The following ANKIB1 variants were observed in gnomAD, a reference collection of about 807,000 sequenced individuals.
ANKIB1 encodes the protein ankyrin repeat and IBR domain-containing protein 1.
In ANKIB1, 43 loss-of-function variants were observed where a neutral mutation model predicts 122.1. The ratio of observed to expected loss-of-function variants is 0.35; its 90% CI spans 0.28 to 0.45. The LOEUF (loss-of-function observed/expected upper bound fraction) is 0.45, where lower values mean the gene tolerates loss of function less well. ANKIB1 is among the 20% of genes least tolerant of loss of function. ANKIB1 has a pLI of 1.00. For synonymous variants in ANKIB1, 390 were observed against 442.0 expected (o/e 0.88, Z 1.48); for missense variants, 992 against 1,329.5 (o/e 0.75, Z 3.95).
At chr7:92,370,603 A>G (rs898889598) in intron 10 of ANKIB1, among the ~76,000 whole-genome samples, 11 of 151,928 alleles carry the variant, frequency 7.2e-5, no homozygotes, top group Admixed American at 5.2e-4. Context: ...TTTCAAAACA[A>G]CTAGAAGGGA....
Position 92,274,329 on chromosome 7 carries a change from A to C in ANKIB1, c.-90-20560A>C, listed in dbSNP as rs375340431. On this transcript the variant is annotated intron_variant, in intron 1 of 19. Coordinates refer to ENST00000265742, the MANE Select transcript of ANKIB1 (RefSeq NM_019004.2). The stretch of plus-strand genomic sequence containing the variant: ...TTAGAGCAGTAAGAAATTTACACAA[A>C]ATATCAGTAATAAAAGGTAGTTTAT... Among the ~76,000 whole-genome samples the C allele has an allele frequency of 3.9e-5, 6 of 152,302 alleles. 1 individual carries two copies. The highest frequency in any genetic ancestry group is 1.4e-4 in the African/African-American group (6 of 41,564).
chr7:92,283,926 A>G, intron 1 of ANKIB1, among the ~76,000 whole-genome samples: 1 of 152,096 alleles, frequency 6.6e-6, no homozygotes, highest in East Asian at 1.9e-4. Flanking sequence ...ATGTGCCACC[A>G]GGCACAGCTA....
chr7:92,370,508 CAAAAAAAAAAAA>C (rs34318038), intron 10 of ANKIB1, among the ~76,000 whole-genome samples: 14 of 32,990 alleles, frequency 4.2e-4, no homozygotes, highest in East Asian at 1.1e-3. Context: ...ACTCTTGTCT[CAAAAAAAAAAAA>C]AAAAAAAAAA....
intron 1 of ANKIB1, among the ~76,000 whole-genome samples, chr7:92,261,750 A>G (rs1585076323): frequency 6.6e-6 from 1 of 152,330 alleles, no homozygotes; most frequent in East Asian, 1.9e-4. Context: ...TAGGTTCCAC[A>G]GAAGCACCTT....
intron 1 of ANKIB1, among the ~76,000 whole-genome samples, chr7:92,262,648 A>G (rs561847435): frequency 7.2e-5 from 11 of 152,170 alleles, no homozygotes; most frequent in Non-Finnish European, 1.6e-4. Context: ...AAAATATACC[A>G]GTATGTTGAC....
intron 1 of ANKIB1, among the ~76,000 whole-genome samples, chr7:92,279,143 T>C (rs748841049): frequency 6.6e-6 from 1 of 152,170 alleles, no homozygotes; most frequent in Non-Finnish European, 1.5e-5. Context: ...CCTATGAGAA[T>C]CTAATGCTGC....
intron 1 of ANKIB1, among the ~76,000 whole-genome samples, chr7:92,277,318 A>G (rs904766137): frequency 1.3e-5 from 2 of 152,246 alleles, no homozygotes; most frequent in Non-Finnish European, 2.9e-5. Context: ...ACATATGCAG[A>G]CAGTCCTTGA....
chr7:92,273,009 G>A (rs1801828547), intron 1 of ANKIB1, among the ~76,000 whole-genome samples: 2 of 152,140 alleles, frequency 1.3e-5, no homozygotes, highest in African/African-American at 2.4e-5. Context: ...TGAAAATACA[G>A]CATCATTGGA....
intron 11 of ANKIB1, among the ~76,000 whole-genome samples, chr7:92,384,988 T>G (rs745581770): frequency 1.1e-4 from 16 of 152,218 alleles, no homozygotes; most frequent in Non-Finnish European, 2.9e-5. Context: ...ATTACCCATC[T>G]GACAAGGGGC....
intron 1 of ANKIB1, among the ~76,000 whole-genome samples, chr7:92,270,243 T>C (rs1801759675): frequency 6.6e-6 from 1 of 152,088 alleles, no homozygotes; most frequent in Non-Finnish European, 1.5e-5. Context: ...TTTAATTTTT[T>C]GTAGAGACAG....
intron 3 of ANKIB1, among the ~76,000 whole-genome samples, chr7:92,310,470 A>G (rs866832427): frequency 3.3e-5 from 5 of 152,154 alleles, no homozygotes; most frequent in Non-Finnish European, 5.9e-5. Flanking sequence ...ATGATTTTCT[A>G]TTATGCATAC....
chr7:92,384,223 A>G (rs1167345974), intron 11 of ANKIB1, among the ~76,000 whole-genome samples: 5 of 152,346 alleles, frequency 3.3e-5, no homozygotes, highest in East Asian at 1.9e-4. Context: ...CCACTGTTCA[A>G]TGAAATAAAA....
Position 92,343,145 on chromosome 7 carries a change from A to G in ANKIB1, c.909A>G (p.Pro303=). Reference sequence around the variant, plus strand: ...GGTATAATGCCTGGGACACGCTCCCATCTCCAAGAACTCCAAGGACTACAC... The same window carrying G: ...GGTATAATGCCTGGGACACGCTCCCGTCTCCAAGAACTCCAAGGACTACAC... ...PSGYNAWDTL[P]SPRTPRTTRS... The change falls in exon 6 of 20, where the codon CCA becomes CCG. Residue 303 remains proline, a synonymous_variant. Transcript: ENST00000265742. 4 of 1,613,956 alleles carry G rather than the reference A, an allele frequency of 2.5e-6. No individual in the cohort carries two copies. In the South Asian group the frequency reaches 3.3e-5, roughly 13 times the overall value.
chr7:92,391,851 ACTT>A (rs1349340004), intron 16 of ANKIB1, among the ~76,000 whole-genome samples: 1 of 152,112 alleles, frequency 6.6e-6, no homozygotes, highest in Non-Finnish European at 1.5e-5. Context: ...TACTCATACT[ACTT>A]CTGTAAATTG....
chr7:92,356,557 A>T (rs62467842), intron 9 of ANKIB1, among the ~76,000 whole-genome samples: 4 of 152,168 alleles, frequency 2.6e-5, no homozygotes, highest in Non-Finnish European at 5.9e-5. Context: ...CAATTTATCA[A>T]ATTTCAACAC....
rs548678854 is a variant in ANKIB1 at position 92,288,398 on chromosome 7, A to G, written c.-90-6491A>G. 3.0e-4 allele frequency among the ~76,000 whole-genome samples: 45 copies of G among 152,346 alleles called. 2 individuals carry two copies. In the South Asian group the frequency reaches 9.1e-3, roughly 31 times the overall value. On this transcript the variant is annotated intron_variant, in intron 1 of 19. Transcript: ENST00000265742. ...ATGTTCATGGATTAGGAGACTTAAT[A>G]TTGTTAAAATGTTTGTTCTCCCAGT...
chr7:92,338,933 A>T (rs868229533), intron 5 of ANKIB1, among the ~76,000 whole-genome samples: 36 of 21,870 alleles, frequency 1.6e-3, no homozygotes, highest in African/African-American at 4.0e-3. Context: ...AAAAAAAAAA[A>T]ATATATATAT....
chr7:92,386,872 C>A (rs1402987254), intron 12 of ANKIB1, among the ~76,000 whole-genome samples: 8 of 151,390 alleles, frequency 5.3e-5, no homozygotes, highest in Admixed American at 5.3e-4. Flanking sequence ...TGATATATCC[C>A]AGCCTACCTC....
chr7:92,340,794 A>G (rs1585115780), intron 5 of ANKIB1, among the ~76,000 whole-genome samples: 1 of 152,374 alleles, frequency 6.6e-6, no homozygotes, highest in Non-Finnish European at 1.5e-5. Flanking sequence ...TAAATACCCC[A>G]GTGCCAAAAT....
Sources: allele counts gnomAD v4.1 joint callset (sites outside exome capture counted in the v4.1 genomes callset), GRCh38; gene constraint gnomAD v4.1.1; transcripts MANE v1.5; gene names NCBI Gene and HGNC (gene_info 2026-07-23, HGNC 2026-07-21).